ARHGEF18: variants seen among roughly 807,000 people sequenced by gnomAD.
ARHGEF18 encodes Rho/Rac guanine nucleotide exchange factor 18.
In ARHGEF18, 93 loss-of-function variants were observed where a neutral mutation model predicts 155.7. The ratio of observed to expected loss-of-function variants is 0.60; its 90% CI spans 0.50 to 0.71. ARHGEF18 has a LOEUF of 0.71. ARHGEF18 is among the 30% of genes least tolerant of loss of function. The pLI, the probability that ARHGEF18 is intolerant of heterozygous loss-of-function variation, is 0.00. For missense variants in ARHGEF18, 1,593 were observed against 1,816.1 expected, an observed-to-expected ratio of 0.88 and a Z score of 2.23; for synonymous variants, 742 against 753.1, an observed-to-expected ratio of 0.99 and a Z score of 0.24.
chr19:7,478,469 T>C, the ARHGEF18 span: 1 of 1,349,080 alleles, frequency 7.4e-7, no homozygotes, highest in Non-Finnish European at 1.0e-6. Flanking sequence ...CTGGGACAGG[T>C]GCTGCATCTC....
At chr19:7,451,052 A>T in intron 15 of ARHGEF18, 97 bp from the exon 16 acceptor site, 3 of 1,119,062 alleles carry the variant, frequency 2.7e-6, no homozygotes, top group South Asian at 2.6e-5. Flanking sequence ...CCGAGATGTT[A>T]ATGCGGGATC....
rs74255763 is a variant in ARHGEF18, at chr19:7,354,423, A to G, written c.-111+5182A>G. Among the ~76,000 whole-genome samples the G allele has an allele frequency of 4.3e-3, 659 of 152,160 alleles. 31 individuals are homozygous for G. In the East Asian group the frequency reaches 0.11, roughly 24 times the overall value. On this transcript the variant is annotated intron_variant, in intron 1 of 28. Transcript: ENST00000668164. ...CTGGGAAGTAATGTAAACAATTGGGAGACTGAAGGAGGGAGTCACACAGCA... is the reference window on the plus strand; with the variant it reads ...CTGGGAAGTAATGTAAACAATTGGGGGACTGAAGGAGGGAGTCACACAGCA...
chr19:7,421,293 TAC>T (rs1232746827), intron 10 of ARHGEF18, among the ~76,000 whole-genome samples: 1 of 152,120 alleles, frequency 6.6e-6, no homozygotes, highest in Admixed American at 6.5e-5. Context: ...TTTCAGTCAA[TAC>T]AGTCAGCCCT....
At position 7,390,527 on chromosome 19, in the gene ARHGEF18, A is replaced by AAAAAG. The variant is rs200860066; in HGVS notation, c.967+7343_967+7347dup. ...CTGTATCAAAAAAAAAAAAAAAAGA[A>AAAAAG]AAAAGAAAAGAAAAGAAAAGAAAGA... On this transcript the variant is annotated intron_variant, in intron 10 of 28. Transcript: ENST00000668164. 9 of 147,378 alleles carry AAAAAG rather than the reference A, an allele frequency of 6.1e-5. No individual in the cohort carries two copies. In the East Asian group the frequency reaches 7.9e-4, roughly 13 times the overall value. The allele number at this position is 147,378 out of a possible 1,614,324, so 9.1% of individuals were successfully genotyped here. A position where few individuals can be genotyped will look rare whatever the true frequency, so the allele number is the denominator to read the frequency against.
At chr19:7,412,932 T>G (rs182689340) in intron 10 of ARHGEF18, among the ~76,000 whole-genome samples, 1 of 152,136 alleles carries the variant, frequency 6.6e-6, no homozygotes, top group Non-Finnish European at 1.5e-5. Flanking sequence ...GGAGTATTTG[T>G]TTTTTATTGT....
chr19:7,367,543 T>C (rs1568269607), intron 2 of ARHGEF18, among the ~76,000 whole-genome samples: 1 of 151,644 alleles, frequency 6.6e-6, no homozygotes. Flanking sequence ...GGTCAGGAGT[T>C]CGAGACCAGT....
chr19:7,406,666 G>C (rs532333127), intron 10 of ARHGEF18, among the ~76,000 whole-genome samples: 16 of 152,248 alleles, frequency 1.1e-4, no homozygotes, highest in African/African-American at 3.9e-4. Flanking sequence ...ATATATTCAA[G>C]CTCACACTGT....
rs780255449 is a variant in ARHGEF18, at chr19:7,440,507, C to T, written c.1106+25C>T. 1.3e-6 allele frequency: 2 copies of T among 1,576,032 alleles called. No individual in the cohort carries two copies. The highest frequency in any genetic ancestry group is 2.3e-5 in the South Asian group (2 of 88,624). ...GGTAAGCCAGGGTCCCCTCTGTGCC[C>T]TCGGGTGGGTGGTGGCATTCCCCGG... On this transcript the variant is annotated intron_variant, in intron 11 of 28. Coordinates refer to ENST00000668164, the MANE Select transcript of ARHGEF18 (RefSeq NM_001367823.1). This position sits in a 1 kb window ranked among gnomAD's most constrained non-coding sequence, Gnocchi z 5.4.
At chr19:7,448,472 T>C (rs1975142443) in intron 15 of ARHGEF18, among the ~76,000 whole-genome samples, 1 of 152,112 alleles carries the variant, frequency 6.6e-6, no homozygotes, top group Admixed American at 6.5e-5. Flanking sequence ...CCATCCTGGC[T>C]AACATGGTGA....
Position 7,422,136 on chromosome 19 carries a change from T to A in ARHGEF18, c.968-18208T>A, listed in dbSNP as rs536340070. Among the ~76,000 whole-genome samples, 3 of 152,238 alleles carry A rather than the reference T, an allele frequency of 2.0e-5. No homozygotes were observed. In the East Asian group the frequency reaches 5.8e-4, roughly 29 times the overall value. On this transcript the variant is annotated intron_variant, in intron 10 of 28. Coordinates refer to ENST00000668164, the MANE Select transcript of ARHGEF18 (RefSeq NM_001367823.1). ...GTTCCCTGCCTCTGTCATCTCTCTG[T>A]CCCCGTCTAATCATTTGCCTCTCCT...
intron 10 of ARHGEF18, among the ~76,000 whole-genome samples, chr19:7,422,716 C>CT (rs67634093): frequency 0.3 from 32,850 of 111,124 alleles, 6,384 homozygotes; most frequent in South Asian, 0.44. Context: ...TCTAACTTTT[C>CT]TTTTTTTTTT....
intron 10 of ARHGEF18, among the ~76,000 whole-genome samples, chr19:7,408,507 C>T (rs914635468): frequency 6.6e-6 from 1 of 152,204 alleles, no homozygotes; most frequent in African/African-American, 2.4e-5. Context: ...TCTAGGGCCA[C>T]AATGGTCTGA....
At chr19:7,422,318 C>G (rs970851682) in intron 10 of ARHGEF18, among the ~76,000 whole-genome samples, 8 of 152,082 alleles carry the variant, frequency 5.3e-5, no homozygotes, top group Middle Eastern at 3.2e-3. Flanking sequence ...TGGCCACACT[C>G]TTCTAGCACT....
At chr19:7,443,920 A>C (rs996114665) in intron 13 of ARHGEF18, among the ~76,000 whole-genome samples, 3 of 149,358 alleles carry the variant, frequency 2.0e-5, no homozygotes, top group Non-Finnish European at 4.5e-5. Flanking sequence ...AAAAAAAAAA[A>C]CACGGACTTA....
intron 16 of ARHGEF18, among the ~76,000 whole-genome samples, chr19:7,451,630 G>C (rs1975482539): frequency 1.3e-5 from 2 of 151,836 alleles, no homozygotes; most frequent in Non-Finnish European, 2.9e-5. Context: ...ACCCAGGCTG[G>C]TGTGGAACTC....
At chr19:7,381,625 C>T (rs1283687569) in intron 8 of ARHGEF18, among the ~76,000 whole-genome samples, 1 of 151,790 alleles carries the variant, frequency 6.6e-6, no homozygotes, top group African/African-American at 2.4e-5. Flanking sequence ...TTGCAGTGAG[C>T]CAAGATCACG....
chr19:7,353,047 G>A (rs139614499), intron 1 of ARHGEF18, among the ~76,000 whole-genome samples: 2,972 of 150,108 alleles, frequency 0.02, 82 homozygotes, highest in African/African-American at 0.067. Flanking sequence ...TGTTGGCCAG[G>A]CTGGTCTCGA....
chr19:7,387,419 T>G (rs1029482887), intron 10 of ARHGEF18, among the ~76,000 whole-genome samples: 2 of 152,124 alleles, frequency 1.3e-5, no homozygotes, highest in African/African-American at 4.8e-5. Context: ...CCCAAAGTGC[T>G]GGGATTATAG....
chr19:7,382,343 C>G (rs1294696884), intron 8 of ARHGEF18, among the ~76,000 whole-genome samples: 3 of 151,346 alleles, frequency 2.0e-5, no homozygotes, highest in Non-Finnish European at 4.4e-5. Flanking sequence ...TGCAGTGAGC[C>G]GAGATTGCAC....
Sources: allele counts gnomAD v4.1 joint callset (sites outside exome capture counted in the v4.1 genomes callset), GRCh38; gene constraint gnomAD v4.1.1; non-coding constraint Gnocchi (gnomAD v3.1); transcripts MANE v1.5; gene names NCBI Gene and HGNC (gene_info 2026-07-23, HGNC 2026-07-21).